The following FANCM variants were observed in gnomAD, a reference collection of about 807,000 sequenced individuals.
The protein encoded by FANCM is FA complementation group M.
Under a neutral mutation model 199.5 loss-of-function variants are expected in FANCM, and 140 were observed. The observed-to-expected ratio is 0.70, with a 90% CI of 0.61 to 0.81. The LOEUF is 0.81. FANCM is among the 30% of genes least tolerant of loss of function. The probability of loss-of-function intolerance (pLI) is 0.00; values close to 1 mark genes in which losing one functional copy is unlikely to be tolerated. For missense variants in FANCM, 2,410 were observed against 2,421.4 expected, an observed-to-expected ratio of 1.00 and a Z score of 0.10; for synonymous variants, 840 against 836.8, an observed-to-expected ratio of 1.00 and a Z score of -0.07.
At chr14:45,166,332 G>T (rs1382616580) in intron 10 of FANCM, among the ~76,000 whole-genome samples, 1 of 151,800 alleles carries the variant, frequency 6.6e-6, no homozygotes, top group Non-Finnish European at 1.5e-5. Flanking sequence ...AGAGACGAGG[G>T]TTCACCATAT....
rs201216865 is a variant in FANCM at position 45,170,632 on chromosome 14, A to T, written c.2046A>T (p.Glu682Asp). The change falls in exon 12 of 23, where the codon GAA becomes GAT. Residue 682 changes from glutamate to aspartate, a missense_variant. Glu to Asp is a conservative substitution (Grantham distance 45). Coordinates refer to ENST00000267430, the MANE Select transcript of FANCM (RefSeq NM_020937.4). ...TAAAGAAAGATTGGTTCTTATCAGA[A>T]GAAGAATTTAAATTATGGAACAGAC... ...SSLKKDWFLS[E>D]EEFKLWNRLY... 9 of 1,601,594 alleles carry T rather than the reference A, an allele frequency of 5.6e-6. 1 individual carries two copies. The African/African-American group carries it at 1.2e-4, about 21-fold the overall frequency.
intron 18 of FANCM, among the ~76,000 whole-genome samples, chr14:45,185,760 A>G (rs1889361157): frequency 6.6e-6 from 1 of 152,230 alleles, no homozygotes; most frequent in Non-Finnish European, 1.5e-5. Context: ...GACAATATAT[A>G]TACTAACTAA....
chr14:45,188,865 A>T lies in FANCM; in HGVS notation c.4843A>T (p.Lys1615Ter). 11 of 1,613,764 alleles carry T rather than the reference A, an allele frequency of 6.8e-6. No individual in the cohort carries two copies. Among genetic ancestry groups the T allele is most frequent in the Non-Finnish European group, 9.3e-6 (11 of 1,179,882 alleles). Reference sequence around the variant, plus strand: ...TTGTGTTGATGAAGAGGAGTCTTGCAAAGGCCAATCAAGTGAAGAAGAAGT... The same window carrying T: ...TTGTGTTGATGAAGAGGAGTCTTGCTAAGGCCAATCAAGTGAAGAAGAAGT... ...SFCVDEEESC[K>*]GQSSEEEVCV... Residue 1615 changes from lysine to a stop codon, truncating the protein, a stop_gained, in exon 20 of 23, where the codon AAA becomes TAA. Transcript: ENST00000267430. LOFTEE classifies it high-confidence loss of function.
intron 9 of FANCM, among the ~76,000 whole-genome samples, chr14:45,163,453 G>T (rs1428890633): frequency 6.6e-6 from 1 of 152,110 alleles, no homozygotes; most frequent in Non-Finnish European, 1.5e-5. Flanking sequence ...GTTGGTATTG[G>T]TCTGTATGGA....
chr14:45,169,421 T>C (rs552454667), intron 11 of FANCM, among the ~76,000 whole-genome samples: 1 of 151,742 alleles, frequency 6.6e-6, no homozygotes, highest in East Asian at 1.9e-4. Flanking sequence ...ATTTTTTACA[T>C]TTTTAAAAAG....
chr14:45,167,335 A>G, intron 11 of FANCM, 172 bp downstream of exon 11: 1 of 619,820 alleles, frequency 1.6e-6, no homozygotes, highest in African/African-American at 1.8e-5. Flanking sequence ...AAATGGAGAG[A>G]CACTGGTAGT....
chr14:45,177,026 C>G, intron 14 of FANCM, 50 bp downstream of exon 14: 1 of 1,191,158 alleles, frequency 8.4e-7, no homozygotes, highest in East Asian at 2.4e-5. Context: ...AATAATTACT[C>G]TAGAAATACT....
intron 22 of FANCM, 90 bp downstream of exon 22, chr14:45,199,025 G>A (rs943918109): frequency 5.2e-6 from 5 of 966,404 alleles, no homozygotes; most frequent in Non-Finnish European, 6.2e-6. Context: ...AATTTAAGCG[G>A]CATCATGCCT....
Position 45,159,076 on chromosome 14 carries a change from G to T in FANCM, c.1397-20G>T. 6.8e-7 allele frequency: 1 copy of T among 1,465,170 alleles called. No homozygotes were observed. 90.8% of individuals were successfully genotyped at this position (1,465,170 alleles called of 1,614,324 possible). ...TGCTTTGTAAAAAGTTGTAATTAAA[G>T]TTTTTATATATATATATAGCTGAAA... On this transcript the variant is annotated intron_variant, in intron 8 of 22. Transcript: ENST00000267430.
At chr14:45,138,201 A>G (rs1885659862) in intron 2 of FANCM, among the ~76,000 whole-genome samples, 1 of 152,204 alleles carries the variant, frequency 6.6e-6, no homozygotes, top group South Asian at 2.1e-4. Context: ...GAAATTATAA[A>G]CATATAGATG....
intron 10 of FANCM, among the ~76,000 whole-genome samples, chr14:45,165,593 T>C (rs1887915143): frequency 6.6e-6 from 1 of 152,178 alleles, no homozygotes; most frequent in Non-Finnish European, 1.5e-5. Context: ...ATATACTCTT[T>C]AAAATCATCC....
chr14:45,187,834 AAT>A lies in FANCM; in HGVS notation c.4728_4729del (p.Asn1576LysfsTer7). On this transcript the variant is annotated frameshift_variant, in exon 19 of 23. Transcript: ENST00000267430. LOFTEE classifies it high-confidence loss of function. The stretch of plus-strand genomic sequence containing the variant: ...ATCTTTGCGTAGTCCAATGATGAAC[AAT>A]AAGTACAAAATGATTCATAAGACAC... Reference protein sequence around the residue: ...MKSLRSPMMNNKYKMIHKTHK... With the variant: ...MKSLRSPMMNXKYKMIHKTHK... 6.3e-7 allele frequency: 1 copy of A among 1,581,438 alleles called. No homozygotes were observed.
At chr14:45,185,486 C>T (rs1002418095) in intron 18 of FANCM, 113 bp downstream of exon 18, 18 of 604,210 alleles carry the variant, frequency 3.0e-5, no homozygotes, top group Admixed American at 6.9e-5. Context: ...AAATGTGGTA[C>T]GTGCAAAATA....
chr14:45,158,445 C>G (rs1030352739), intron 8 of FANCM, among the ~76,000 whole-genome samples: 1 of 148,194 alleles, frequency 6.7e-6, no homozygotes, highest in Non-Finnish European at 1.5e-5. Context: ...ACCCGCCCCC[C>G]AGCACAGACA....
chr14:45,177,483 C>G (rs986795344), intron 14 of FANCM, among the ~76,000 whole-genome samples: 5 of 152,086 alleles, frequency 3.3e-5, no homozygotes, highest in African/African-American at 1.2e-4. Context: ...CCTCCGCCTC[C>G]CAGGTTCAAG....
At chr14:45,149,423 TTTG>T (rs1329121350) in intron 4 of FANCM, among the ~76,000 whole-genome samples, 3 of 152,138 alleles carry the variant, frequency 2.0e-5, no homozygotes, top group Non-Finnish European at 2.9e-5. Flanking sequence ...TTGTTTTCTT[TTTG>T]TTGTTTTTTG....
chr14:45,173,323 C>G, intron 13 of FANCM, 113 bp downstream of exon 13: 2 of 920,382 alleles, frequency 2.2e-6, no homozygotes, highest in South Asian at 1.4e-5. Context: ...CTGTATAGTT[C>G]CTTGTGATCT....
chr14:45,159,438 CAA>C (rs1295719962), intron 9 of FANCM, among the ~76,000 whole-genome samples, 158 bp downstream of exon 9: 1 of 150,762 alleles, frequency 6.6e-6, no homozygotes, highest in African/African-American at 2.4e-5. Flanking sequence ...AAGATGATAA[CAA>C]ATGTTTTATG....
intron 21 of FANCM, 50 bp downstream of exon 21, chr14:45,196,597 G>C: frequency 6.5e-7 from 1 of 1,540,320 alleles, no homozygotes; most frequent in African/African-American, 1.4e-5. Flanking sequence ...GGAACTTTAC[G>C]GTTAACTTAG....
Sources: gnomAD v4.1 joint callset for allele counts (sites outside exome capture counted in the v4.1 genomes callset) on GRCh38, gnomAD v4.1.1 for gene constraint, MANE v1.5 for transcripts, NCBI Gene and HGNC (gene_info 2026-07-23, HGNC 2026-07-21) for gene names.